Variants in KRT33B observed in about 807,000 individuals in gnomAD.
The protein encoded by KRT33B is keratin 33B.
KRT33B carries 37 observed loss-of-function variants against 42.7 expected under a neutral mutation model. The ratio of observed to expected loss-of-function variants is 0.87; its 90% CI spans 0.67 to 1.14. The LOEUF is 1.14. KRT33B is among the 50% of genes most tolerant of loss of function. The pLI is 0.00. For missense variants in KRT33B, 523 were observed against 515.1 expected, an observed-to-expected ratio of 1.02 and a Z score of -0.15; for synonymous variants, 237 against 221.2, an observed-to-expected ratio of 1.07 and a Z score of -0.63.
Position 41,363,861 on chromosome 17 carries a change from C to A in KRT33B, c.1190G>T (p.Gly397Val). ...TNPCGPRSRC[G>V]PCNTFGY ...CTAGTACCCAAAGGTGTTGCAAGGC[C>A]CACAGCGGGAACGAGGACCACAAGG... is the stretch of plus-strand genomic sequence containing the variant. Residue 397 changes from glycine to valine, a missense_variant, in exon 7 of 7, where the codon GGG becomes GTG. Gly to Val is a moderately radical substitution (Grantham distance 109). Transcript: ENST00000251646. The A allele has an allele frequency of 6.2e-7, 1 of 1,610,218 alleles. No homozygotes were observed. The highest frequency in any genetic ancestry group is 1.4e-5 in the African/African-American group (1 of 73,462).
intron 3 of KRT33B, 99 bp downstream of exon 3, chr17:41,366,371 G>T: frequency 1.4e-6 from 2 of 1,384,696 alleles, no homozygotes; most frequent in Non-Finnish European, 2.0e-6. Context: ...GCAAAATGTT[G>T]TTAGGCCTAG....
At position 41,369,775 on chromosome 17, in the gene KRT33B, G is replaced by A; in HGVS notation, c.-25C>T. On this transcript the variant is annotated 5_prime_UTR_variant, in exon 1 of 7. Coordinates refer to ENST00000251646, the MANE Select transcript of KRT33B (RefSeq NM_002279.5). ...TGGTGCAGGGAGGCAGTGGAGCTCT[G>A]GAAGTCAGTTTCAAAACCTGATTCC... The A allele has an allele frequency of 6.2e-7, 1 of 1,600,538 alleles. No homozygotes were observed. The highest frequency in any genetic ancestry group is 2.2e-5 in the East Asian group (1 of 44,544).
chr17:41,369,522 G>C lies in KRT33B; in HGVS notation c.229C>G (p.Leu77Val). 1.2e-6 allele frequency: 2 copies of C among 1,614,118 alleles called. No individual in the cohort carries two copies. The highest frequency in any genetic ancestry group is 1.7e-6 in the Non-Finnish European group (2 of 1,180,050). Reference sequence around the variant, plus strand: ...TCCAGCTCCGCGTTGTCCCGCTCCAGCTGACGCACCTTCTCCAGGTAGCTG... The same window carrying C: ...TCCAGCTCCGCGTTGTCCCGCTCCACCTGACGCACCTTCTCCAGGTAGCTG... ...LASYLEKVRQ[L>V]ERDNAELENL... The change falls in exon 1 of 7, where the codon CTG becomes GTG. Residue 77 changes from leucine (L) to valine (V), a missense_variant. Leu to Val is a conservative substitution (Grantham distance 32). Transcript: ENST00000251646.
At position 41,365,449 on chromosome 17, in the gene KRT33B, C is replaced by T; in HGVS notation, c.693G>A (p.Gln231=). The T allele has an allele frequency of 3.1e-6, 5 of 1,613,112 alleles. No individual in the cohort carries two copies. The highest frequency in any genetic ancestry group is 4.2e-6 in the Non-Finnish European group (5 of 1,180,024). ...GGTTGGTTTCCACCAGGGCCTCATA[C>T]TGATTCCTGGTCTCGTTCAGGACCT... ...LNQVLNETRN[Q]YEALVETNRR... is the part of the protein sequence containing the mutation. Residue 231 remains glutamine (Q), a synonymous_variant, in exon 4 of 7, where the codon CAG becomes CAA. Coordinates refer to ENST00000251646, the MANE Select transcript of KRT33B (RefSeq NM_002279.5).
chr17:41,368,419 G>GCTT (rs1006712282), intron 1 of KRT33B, among the ~76,000 whole-genome samples: 4 of 151,230 alleles, frequency 2.6e-5, no homozygotes, highest in African/African-American at 9.9e-5. Flanking sequence ...TTTGCAAAAA[G>GCTT]CTTCTTGCTG....
chr17:41,369,465 C>T lies in KRT33B; in HGVS notation c.286G>A (p.Glu96Lys). Reference sequence around the variant, plus strand: ...TGGTAGCTGGGGCACAGCAAGGGCTCCTGCTGCTGAGACCGCTCCCGGATG... The same window carrying T: ...TGGTAGCTGGGGCACAGCAAGGGCTTCTGCTGCTGAGACCGCTCCCGGATG... ...NLIRERSQQQEPLLCPSYQSY... is the reference protein window; with the variant it reads ...NLIRERSQQQKPLLCPSYQSY... Residue 96 changes from glutamate (E) to lysine (K), a missense_variant, in exon 1 of 7, where the codon GAG becomes AAG. By Grantham distance (56) the Glu-to-Lys change is moderately conservative (BLOSUM62 1). Transcript: ENST00000251646. 1 of 1,613,618 alleles carries T rather than the reference C, an allele frequency of 6.2e-7. No individual in the cohort carries two copies. Among genetic ancestry groups the T allele is most frequent in the Non-Finnish European group, 8.5e-7 (1 of 1,180,046 alleles).
chr17:41,369,422 A>G lies in KRT33B; in HGVS notation c.329T>C (p.Ile110Thr), dbSNP rs750544446. 8 of 1,613,168 alleles carry G rather than the reference A, an allele frequency of 5.0e-6. No homozygotes were observed. In the African/African-American group the frequency reaches 5.4e-5, roughly 11 times the overall value. ...CPSYQSYFKT[I>T]EELQQKILCS... ...CCTCACCTTCTGCTGGAGCTCCTCAATGGTCTTGAAGTAGGACTGGTAGCT... is the reference window on the plus strand; with the variant it reads ...CCTCACCTTCTGCTGGAGCTCCTCAGTGGTCTTGAAGTAGGACTGGTAGCT... Residue 110 changes from isoleucine to threonine, a missense_variant, in exon 1 of 7, where the codon ATT (isoleucine) becomes ACT (threonine). Transcript: ENST00000251646.
In KRT33B at chr17:41,363,555, C is replaced by T; in HGVS notation, c.*281G>A. On this transcript the variant is annotated 3_prime_UTR_variant, in exon 7 of 7. Coordinates refer to ENST00000251646, the MANE Select transcript of KRT33B (RefSeq NM_002279.5). ...TGGGGAACTGCAATAAAGGTAGAAG[C>T]AGCAGAGAGAACAAAACACCTCGTA... 1 of 328,430 alleles carries T rather than the reference C, an allele frequency of 3.0e-6. No homozygotes were observed. The highest frequency in any genetic ancestry group is 5.5e-6 in the Non-Finnish European group (1 of 181,988). 20.3% of individuals were successfully genotyped at this position (328,430 alleles called of 1,614,324 possible).
chr17:41,366,154 C>T (rs2017698029), intron 3 of KRT33B, among the ~76,000 whole-genome samples: 1 of 151,204 alleles, frequency 6.6e-6, no homozygotes, highest in African/African-American at 2.5e-5. Context: ...TCCTTCCAGT[C>T]TTGGTCATTA....
chr17:41,363,725 G>A lies in KRT33B; in HGVS notation c.*111C>T. On this transcript the variant is annotated 3_prime_UTR_variant, in exon 7 of 7. Transcript: ENST00000251646. ...TTGTTCTCCTTCCAGACCATGATTT[G>A]TGGTGATGCCTCGGGGTGGGGTCCG... is the stretch of plus-strand genomic sequence containing the variant. 1 of 719,768 alleles carries A rather than the reference G, an allele frequency of 1.4e-6. No homozygotes were observed. Among genetic ancestry groups the A allele is most frequent in the Non-Finnish European group, 2.4e-6 (1 of 408,760 alleles). 44.6% of individuals were successfully genotyped at this position (719,768 alleles called of 1,614,324 possible).
At chr17:41,369,377 T>A in intron 1 of KRT33B, 26 bp downstream of exon 1, 1 of 1,610,634 alleles carries the variant, frequency 6.2e-7, no homozygotes. Flanking sequence ...TTCATTAAGC[T>A]GGCAGTGTGG....
intron 1 of KRT33B, among the ~76,000 whole-genome samples, chr17:41,368,584 A>G (rs2017732362): frequency 6.6e-6 from 1 of 151,290 alleles, no homozygotes; most frequent in South Asian, 2.1e-4. Flanking sequence ...TGTCTTACTC[A>G]GTACATTATC....
At position 41,369,321 on chromosome 17, in the gene KRT33B, G is replaced by A. The variant is rs912263608; in HGVS notation, c.348+82C>T. 5.2e-6 allele frequency: 8 copies of A among 1,540,362 alleles called. 1 individual carries two copies. The African/African-American group carries it at 7.0e-5, about 13-fold the overall frequency. ...ATCATTCTCAGCATTACTGTGAACAGACTTAGATCCATTCACAGTTTAGTA... is the reference window on the plus strand; with the variant it reads ...ATCATTCTCAGCATTACTGTGAACAAACTTAGATCCATTCACAGTTTAGTA... On this transcript the variant is annotated intron_variant, in intron 1 of 6. Coordinates refer to ENST00000251646, the MANE Select transcript of KRT33B (RefSeq NM_002279.5).
intron 6 of KRT33B, among the ~76,000 whole-genome samples, chr17:41,364,176 C>A (rs907471466): frequency 6.6e-6 from 1 of 151,228 alleles, no homozygotes; most frequent in Non-Finnish European, 1.5e-5. Context: ...CCTAGACACA[C>A]AAGAAAGTCA....
chr17:41,364,017 C>T (rs756359500), intron 6 of KRT33B, 64 bp from the exon 7 acceptor site: 2 of 1,133,864 alleles, frequency 1.8e-6, no homozygotes, highest in East Asian at 4.8e-5. Flanking sequence ...GAGACTCAAT[C>T]CAAAGAGACA....
intron 3 of KRT33B, among the ~76,000 whole-genome samples, chr17:41,366,009 A>G (rs1356265263): frequency 6.6e-6 from 1 of 151,340 alleles, no homozygotes; most frequent in African/African-American, 2.5e-5. Flanking sequence ...TGAATCAACC[A>G]TTATTTGAGT....
At chr17:41,369,107 C>T (rs2017740871) in intron 1 of KRT33B, among the ~76,000 whole-genome samples, 1 of 151,268 alleles carries the variant, frequency 6.6e-6, no homozygotes, top group Non-Finnish European at 1.5e-5. Flanking sequence ...GAAAACAAAA[C>T]CAGGGTATCA....
At position 41,369,719 on chromosome 17, in the gene KRT33B, C is replaced by A. The variant is rs895565011; in HGVS notation, c.32G>T (p.Ser11Ile). The change falls in exon 1 of 7, where the codon AGC (serine) becomes ATC (isoleucine). Residue 11 changes from serine (S) to isoleucine (I), a missense_variant. Coordinates refer to ENST00000251646, the MANE Select transcript of KRT33B (RefSeq NM_002279.5). ...CCGGGAGGAGCAGCTGGTGCGGCAG[C>A]TCAGGCTGGGCAGGCAGAAGTTGTA... is the stretch of plus-strand genomic sequence containing the variant. MPYNFCLPSL[S>I]CRTSCSSRPC... The A allele has an allele frequency of 6.2e-6, 10 of 1,613,696 alleles. No homozygotes were observed. Among genetic ancestry groups the A allele is most frequent in the Non-Finnish European group, 7.6e-6 (9 of 1,179,824 alleles).
intron 2 of KRT33B, 69 bp from the exon 3 acceptor site, chr17:41,366,695 G>T: frequency 7.0e-7 from 1 of 1,428,180 alleles, no homozygotes; most frequent in Non-Finnish European, 9.5e-7. Flanking sequence ...CCTTTACTTG[G>T]CTGACTTAGT....
Sources: gnomAD v4.1 joint callset for allele counts (sites outside exome capture counted in the v4.1 genomes callset) on GRCh38, gnomAD v4.1.1 for gene constraint, MANE v1.5 for transcripts, NCBI Gene and HGNC (gene_info 2026-07-23, HGNC 2026-07-21) for gene names.